CD200R1L: variants seen among roughly 807,000 people sequenced by gnomAD.
The protein encoded by CD200R1L is cell surface glycoprotein CD200 receptor 2.
In CD200R1L, 14 loss-of-function variants were observed where a neutral mutation model predicts 24.8. The observed-to-expected ratio is 0.56, with a 90% CI of 0.37 to 0.88. The LOEUF is 0.88. Among genes scored for constraint, CD200R1L ranks in the 40% least tolerant of loss-of-function variants. The pLI is 0.00. For synonymous variants in CD200R1L, 111 were observed against 109.2 expected, an observed-to-expected ratio of 1.02 and a Z score of -0.11; for missense variants, 299 against 297.8, an observed-to-expected ratio of 1.00 and a Z score of -0.03.
chr3:112,842,543 C>T (rs759682271), intron 2 of CD200R1L, among the ~76,000 whole-genome samples: 3 of 152,138 alleles, frequency 2.0e-5, no homozygotes, highest in South Asian at 2.1e-4. Context: ...GGAAGACAAC[C>T]GTAAGTAAAG....
intron 2 of CD200R1L, among the ~76,000 whole-genome samples, chr3:112,838,936 TGCA>T (rs753104014): frequency 1.4e-4 from 22 of 152,332 alleles, no homozygotes; most frequent in Admixed American, 3.3e-4. Flanking sequence ...TCTTTAAGGC[TGCA>T]GCATTAGTTG....
intron 2 of CD200R1L, among the ~76,000 whole-genome samples, chr3:112,844,437 C>T (rs1213714535): frequency 3.9e-5 from 6 of 152,108 alleles, no homozygotes. Context: ...CAACTTGATC[C>T]TCAATAAGTT....
chr3:112,828,505 A>G (rs1193462736), intron 4 of CD200R1L, among the ~76,000 whole-genome samples: 1 of 152,158 alleles, frequency 6.6e-6, no homozygotes, highest in Non-Finnish European at 1.5e-5. Flanking sequence ...TTTATCATGA[A>G]AAAGTTTTAT....
intron 3 of CD200R1L, among the ~76,000 whole-genome samples, chr3:112,837,124 C>G (rs1030193967): frequency 3.3e-5 from 5 of 152,162 alleles, no homozygotes; most frequent in African/African-American, 1.2e-4. Context: ...TCCACTAGAA[C>G]ATTTATTTCA....
Position 112,827,529 on chromosome 3 carries a change from C to T in CD200R1L, c.205G>A (p.Glu69Lys), listed in dbSNP as rs769690501. 5 of 1,614,048 alleles carry T rather than the reference C, an allele frequency of 3.1e-6. No homozygotes were observed. The highest frequency in any genetic ancestry group is 1.3e-5 in the African/African-American group (1 of 74,894). ...AYKKETNETKETNCTVERITW... is the reference protein window; with the variant it reads ...AYKKETNETKKTNCTVERITW... ...ATTCTCTCAACAGTACAGTTGGTTTCCTTGGTCTCATTTGTTTCTTTCTTG... is the reference window on the plus strand; with the variant it reads ...ATTCTCTCAACAGTACAGTTGGTTTTCTTGGTCTCATTTGTTTCTTTCTTG... The change falls in exon 5 of 8, where the codon GAA becomes AAA. Residue 69 changes from glutamate (E) to lysine (K), a missense_variant. By Grantham distance (56) the Glu-to-Lys change is moderately conservative. Coordinates refer to ENST00000488794, the MANE Select transcript of CD200R1L (RefSeq NM_001199215.3).
intron 3 of CD200R1L, among the ~76,000 whole-genome samples, chr3:112,835,915 T>C (rs1938931112): frequency 6.6e-6 from 1 of 152,226 alleles, no homozygotes; most frequent in East Asian, 1.9e-4. Context: ...CCAGCTCCTG[T>C]TGGCTTCATG....
At chr3:112,842,250 G>A (rs1223401017) in intron 2 of CD200R1L, among the ~76,000 whole-genome samples, 2 of 152,218 alleles carry the variant, frequency 1.3e-5, no homozygotes, top group African/African-American at 4.8e-5. Context: ...GGAAGTCAGG[G>A]ACCCTGAATG....
rs182060262 is a variant in CD200R1L, at chr3:112,843,193, C to T, written c.-87+2486G>A. Among the ~76,000 whole-genome samples, 603 of 152,268 alleles carry T rather than the reference C, an allele frequency of 4.0e-3. 1 individual carries two copies. Among genetic ancestry groups the T allele is most frequent in the Non-Finnish European group, 6.5e-3 (445 of 68,030 alleles). ...TACCCAATCTCACTAAAGAGGTCAA[C>T]GTGCAAATTTGAGAAATTCAGACAA... On this transcript the variant is annotated intron_variant, in intron 2 of 7. Transcript: ENST00000488794.
chr3:112,822,239 G>A (rs1258413983), intron 6 of CD200R1L, among the ~76,000 whole-genome samples: 4 of 152,144 alleles, frequency 2.6e-5, no homozygotes, highest in Non-Finnish European at 5.9e-5. Flanking sequence ...TAAACTTCTT[G>A]GAAGTTCCAC....
Position 112,824,692 on chromosome 3 carries a change from G to A in CD200R1L, c.616+2301C>T, listed in dbSNP as rs75377010. ...TACGAGGAAAACGCATCAGAAAGGAGCATTGTGTCAGAAGCATTGTGAATG... is the reference window on the plus strand; with the variant it reads ...TACGAGGAAAACGCATCAGAAAGGAACATTGTGTCAGAAGCATTGTGAATG... On this transcript the variant is annotated intron_variant, in intron 6 of 7. Transcript: ENST00000488794. Among the ~76,000 whole-genome samples, 8 of 152,316 alleles carry A rather than the reference G, an allele frequency of 5.3e-5. No individual in the cohort carries two copies. The East Asian group carries it at 1.2e-3, about 22-fold the overall frequency.
At chr3:112,841,683 T>C (rs1939084039) in intron 2 of CD200R1L, among the ~76,000 whole-genome samples, 1 of 152,206 alleles carries the variant, frequency 6.6e-6, no homozygotes, top group Non-Finnish European at 1.5e-5. Flanking sequence ...CCAAGGCCCA[T>C]GCCTTGCCAC....
chr3:112,841,100 T>G (rs1006360231), intron 2 of CD200R1L: 1 of 245,066 alleles, frequency 4.1e-6, no homozygotes, highest in Admixed American at 5.2e-5. Context: ...CCAATCTCAT[T>G]GTAAATTGTG....
At chr3:112,831,901 A>T (rs1938809903) in intron 3 of CD200R1L, among the ~76,000 whole-genome samples, 1 of 152,194 alleles carries the variant, frequency 6.6e-6, no homozygotes, top group Admixed American at 6.5e-5. Context: ...CACTTCATTC[A>T]TGCTAAGGCA....
At chr3:112,840,757 C>T (rs1422711659) in intron 2 of CD200R1L, among the ~76,000 whole-genome samples, 1 of 152,202 alleles carries the variant, frequency 6.6e-6, no homozygotes, top group Non-Finnish European at 1.5e-5. Flanking sequence ...ACTCTCCCCA[C>T]TTCTTGCTAG....
Position 112,832,481 on chromosome 3 carries a change from C to G in CD200R1L, c.-17-3097G>C, listed in dbSNP as rs188699469. Reference sequence around the variant, plus strand: ...CAAGATAAATCCCCCAAACCACCCCCCTTGGCGAAGATAGTAAATAAATAT... The same window carrying G: ...CAAGATAAATCCCCCAAACCACCCCGCTTGGCGAAGATAGTAAATAAATAT... On this transcript the variant is annotated intron_variant, in intron 3 of 7. Coordinates refer to ENST00000488794, the MANE Select transcript of CD200R1L (RefSeq NM_001199215.3). Among the ~76,000 whole-genome samples, 153 of 152,206 alleles carry G rather than the reference C, an allele frequency of 1.0e-3. 1 individual carries two copies. The highest frequency in any genetic ancestry group is 3.5e-3 in the African/African-American group (144 of 41,546).
chr3:112,837,192 G>A (rs905097677), intron 3 of CD200R1L, among the ~76,000 whole-genome samples: 3 of 151,530 alleles, frequency 2.0e-5, no homozygotes, highest in Admixed American at 2.0e-4. Flanking sequence ...ATATTTCTTT[G>A]GTTTCTTGAT....
At chr3:112,836,178 G>A (rs1938938736) in intron 3 of CD200R1L, among the ~76,000 whole-genome samples, 1 of 152,242 alleles carries the variant, frequency 6.6e-6, no homozygotes, top group South Asian at 2.1e-4. Flanking sequence ...GAGACTGGGG[G>A]TAGTGCGGTC....
intron 3 of CD200R1L, among the ~76,000 whole-genome samples, chr3:112,832,891 A>G (rs1470776268): frequency 6.6e-6 from 1 of 152,224 alleles, no homozygotes; most frequent in Non-Finnish European, 1.5e-5. Flanking sequence ...CTATCTGGGC[A>G]TTTTGCAAAG....
chr3:112,845,824 T>C lies in CD200R1L; in HGVS notation c.-232A>G, dbSNP rs1002011105. 2.2e-6 allele frequency: 2 copies of C among 929,948 alleles called. No homozygotes were observed. The highest frequency in any genetic ancestry group is 4.0e-5 in the Admixed American group (2 of 50,548). The allele number at this position is 929,948 out of a possible 1,614,324, so 57.6% of individuals were successfully genotyped here. On this transcript the variant is annotated 5_prime_UTR_variant, in exon 2 of 8. Transcript: ENST00000488794. ...TGAATCTGTTTCTCTTGGTCACTTT[T>C]GCTTATTCTGTCTTCAACAGGATTG...
Sources: gnomAD v4.1 joint callset for allele counts (sites outside exome capture counted in the v4.1 genomes callset) on GRCh38, gnomAD v4.1.1 for gene constraint, MANE v1.5 for transcripts, NCBI Gene and HGNC (gene_info 2026-07-23, HGNC 2026-07-21) for gene names.